The following CACNG4 variants were observed in gnomAD, a reference collection of about 807,000 sequenced individuals.
CACNG4 encodes voltage-dependent calcium channel gamma-4 subunit.
A neutral mutation model predicts 22.9 loss-of-function variants in CACNG4; 8 were observed. That is an observed-to-expected ratio of 0.35 (90% CI 0.21 to 0.63). The LOEUF is 0.63. CACNG4 is among the 30% of genes least tolerant of loss of function. The probability of loss-of-function intolerance (pLI) is 0.72; values close to 1 mark genes in which losing one functional copy is unlikely to be tolerated. For synonymous variants in CACNG4, 188 were observed against 191.9 expected, an observed-to-expected ratio of 0.98 and a Z score of 0.17; for missense variants, 357 against 455.4, an observed-to-expected ratio of 0.78 and a Z score of 1.97.
At position 67,031,232 on chromosome 17, in the gene CACNG4, G is replaced by C; in HGVS notation, c.*228G>C. On this transcript the variant is annotated 3_prime_UTR_variant, in exon 4 of 4. Transcript: ENST00000262138. This position sits in a 1 kb window ranked among gnomAD's most constrained non-coding sequence, Gnocchi z 4.0. ...TGACTTTGTCCCCTCCCCGAAAAAG[G>C]GTGTTTTGATGCCTCAGGGTCTCTG... The C allele has an allele frequency of 1.5e-6, 1 of 649,570 alleles. No individual in the cohort carries two copies. Among genetic ancestry groups the C allele is most frequent in the Non-Finnish European group, 2.8e-6 (1 of 360,962 alleles). The allele number at this position is 649,570 out of a possible 1,614,324, so 40.2% of individuals were successfully genotyped here. A position where few individuals can be genotyped will look rare whatever the true frequency, so the allele number is the denominator to read the frequency against.
chr17:67,027,281 T>A lies in CACNG4; in HGVS notation c.445+2281T>A, dbSNP rs2035574070. Among the ~76,000 whole-genome samples, 1 of 152,204 alleles carries A rather than the reference T, an allele frequency of 6.6e-6. No homozygotes were observed. The highest frequency in any genetic ancestry group is 6.5e-5 in the Admixed American group (1 of 15,286). On this transcript the variant is annotated intron_variant, in intron 3 of 3. Coordinates refer to ENST00000262138, the MANE Select transcript of CACNG4 (RefSeq NM_014405.4). This position sits in a 1 kb window ranked among gnomAD's most constrained non-coding sequence, Gnocchi z 4.3. Reference sequence around the variant, plus strand: ...GAGCCGTTTCAAAGGCAGGCCCAGATGCTTGGTGCCACCAGAGGGACTTGG... The same window carrying A: ...GAGCCGTTTCAAAGGCAGGCCCAGAAGCTTGGTGCCACCAGAGGGACTTGG...
chr17:66,979,912 T>G lies in CACNG4; in HGVS notation c.220+14781T>G, dbSNP rs188127925. ...CTGGGATTACAGGCATGTGCCACCA[T>G]GCCCAGCTAATTTTTGTATTTTTAG... On this transcript the variant is annotated intron_variant, in intron 1 of 3. Coordinates refer to ENST00000262138, the MANE Select transcript of CACNG4 (RefSeq NM_014405.4). Among the ~76,000 whole-genome samples, 632 of 152,100 alleles carry G rather than the reference T, an allele frequency of 4.2e-3. 5 individuals carry two copies. The highest frequency in any genetic ancestry group is 0.014 in the African/African-American group (594 of 41,488).
At chr17:66,965,888 G>A (rs975671553) in intron 1 of CACNG4, among the ~76,000 whole-genome samples, 2 of 152,168 alleles carry the variant, frequency 1.3e-5, no homozygotes, top group Non-Finnish European at 2.9e-5. Flanking sequence ...CTCCCCCAAC[G>A]GAGACAGCGA....
At chr17:67,017,997 C>T (rs1764508932) in intron 1 of CACNG4, among the ~76,000 whole-genome samples, 192 bp from the exon 2 acceptor site, 2 of 152,132 alleles carry the variant, frequency 1.3e-5, no homozygotes, top group African/African-American at 4.8e-5. Flanking sequence ...GGGCATATCT[C>T]TCCCGGTGTA....
intron 1 of CACNG4, 42 bp downstream of exon 1, chr17:66,965,173 C>G (rs1567747397): frequency 8.9e-7 from 1 of 1,123,068 alleles, no homozygotes; most frequent in Middle Eastern, 2.7e-4. Context: ...CACACACACA[C>G]ACACACACAC....
intron 1 of CACNG4, among the ~76,000 whole-genome samples, chr17:66,978,692 C>T (rs2035252917): frequency 6.6e-6 from 1 of 152,238 alleles, no homozygotes; most frequent in African/African-American, 2.4e-5. Context: ...ACATTGACGG[C>T]CCAGGTTCCC....
At chr17:67,021,840 T>C (rs769093764) in intron 2 of CACNG4, 1 of 152,268 alleles carries the variant, frequency 6.6e-6, no homozygotes, top group Non-Finnish European at 1.5e-5. Context: ...TGCCAGGGCT[T>C]GATATGGCCA....
At chr17:66,965,565 AG>A (rs572980366) in intron 1 of CACNG4, among the ~76,000 whole-genome samples, 4 of 24,814 alleles carry the variant, frequency 1.6e-4, no homozygotes, top group Admixed American at 3.3e-4. Flanking sequence ...AGCGGACGGG[AG>A]GGGGGGAGGG....
At chr17:67,003,552 T>C (rs1445829923) in intron 1 of CACNG4, among the ~76,000 whole-genome samples, 2 of 152,142 alleles carry the variant, frequency 1.3e-5, no homozygotes, top group South Asian at 2.1e-4. Flanking sequence ...CACCAACCAC[T>C]GCACTATTGA....
At chr17:66,978,781 A>G (rs1010572774) in intron 1 of CACNG4, among the ~76,000 whole-genome samples, 1 of 152,224 alleles carries the variant, frequency 6.6e-6, no homozygotes, top group Non-Finnish European at 1.5e-5. Flanking sequence ...TTGGCATGTC[A>G]TACAAAGGGG....
At chr17:66,977,335 G>A (rs1032405792) in intron 1 of CACNG4, among the ~76,000 whole-genome samples, 2 of 151,862 alleles carry the variant, frequency 1.3e-5, no homozygotes, top group African/African-American at 2.4e-5. Flanking sequence ...GATCCAGCCC[G>A]CCCCACTTTC....
chr17:66,996,540 C>A (rs1417202443), intron 1 of CACNG4, among the ~76,000 whole-genome samples: 1 of 152,026 alleles, frequency 6.6e-6, no homozygotes, highest in Non-Finnish European at 1.5e-5. Flanking sequence ...CCATGACGCT[C>A]AGCCAATTTT....
chr17:66,994,434 C>A (rs1293922507), intron 1 of CACNG4, among the ~76,000 whole-genome samples: 1 of 152,162 alleles, frequency 6.6e-6, no homozygotes, highest in Non-Finnish European at 1.5e-5. Context: ...CTTGCCCTCA[C>A]CCTGGGAGAT....
At chr17:66,979,952 C>T (rs1301164177) in intron 1 of CACNG4, among the ~76,000 whole-genome samples, 1 of 152,058 alleles carries the variant, frequency 6.6e-6, no homozygotes, top group Admixed American at 6.5e-5. Flanking sequence ...GATGGGGTTT[C>T]ACCATGTTAG....
intron 1 of CACNG4, among the ~76,000 whole-genome samples, chr17:67,008,188 G>C (rs1483595436): frequency 6.6e-6 from 1 of 152,200 alleles, no homozygotes; most frequent in Non-Finnish European, 1.5e-5. Flanking sequence ...AGGGTCTCAT[G>C]GAGAGCCACT....
intron 1 of CACNG4, among the ~76,000 whole-genome samples, chr17:66,975,377 C>G (rs2035230172): frequency 6.6e-6 from 1 of 152,134 alleles, no homozygotes; most frequent in South Asian, 2.1e-4. Flanking sequence ...CCACATGGCC[C>G]CGGGTTTGAG....
chr17:67,015,502 C>T lies in CACNG4; in HGVS notation c.221-2687C>T, dbSNP rs138102510. Among the ~76,000 whole-genome samples, 37 of 152,198 alleles carry T rather than the reference C, an allele frequency of 2.4e-4. 1 individual carries two copies. In the East Asian group the frequency reaches 6.6e-3, roughly 27 times the overall value. On this transcript the variant is annotated intron_variant, in intron 1 of 3. Transcript: ENST00000262138. ...TGTGATATTGCACTACAGTTTTGCA[C>T]GATGTTGTCATGGGGAGAAGCTGAG...
chr17:66,986,044 A>G (rs541382652), intron 1 of CACNG4, among the ~76,000 whole-genome samples: 3 of 152,240 alleles, frequency 2.0e-5, no homozygotes, highest in Non-Finnish European at 4.4e-5. Flanking sequence ...ATAGTTACCC[A>G]GTGCCTACCA....
chr17:66,993,780 A>G (rs993609488), intron 1 of CACNG4, among the ~76,000 whole-genome samples: 1 of 151,886 alleles, frequency 6.6e-6, no homozygotes, highest in African/African-American at 2.4e-5. Context: ...TAACTTTTGT[A>G]TTTTCAGTAA....
Sources: gnomAD v4.1 joint callset for allele counts (sites outside exome capture counted in the v4.1 genomes callset) on GRCh38, gnomAD v4.1.1 for gene constraint, Gnocchi (gnomAD v3.1) non-coding constraint, MANE v1.5 for transcripts, NCBI Gene and HGNC (gene_info 2026-07-23, HGNC 2026-07-21) for gene names.